Variants in SLC30A2 observed in about 807,000 individuals in gnomAD.
The protein encoded by SLC30A2 is solute carrier family 30 member 2, also known as proton-coupled zinc antiporter SLC30A2.
A neutral mutation model predicts 39.6 loss-of-function variants in SLC30A2; 19 were observed. That is an observed-to-expected ratio of 0.48 (90% CI 0.34 to 0.70). The LOEUF is 0.70. SLC30A2 is among the 30% of genes least tolerant of loss of function. The pLI is 0.01. For missense variants in SLC30A2, 387 were observed against 479.4 expected, an observed-to-expected ratio of 0.81 and a Z score of 1.80; for synonymous variants, 195 against 194.8, an observed-to-expected ratio of 1.00 and a Z score of -0.01.
Position 26,045,951 on chromosome 1 carries a change from G to A in SLC30A2, c.-55C>T, listed in dbSNP as rs1290475769. 1 of 1,599,878 alleles carries A rather than the reference G, an allele frequency of 6.3e-7. No individual in the cohort carries two copies. The highest frequency in any genetic ancestry group is 1.7e-5 in the Admixed American group (1 of 59,772). On this transcript the variant is annotated 5_prime_UTR_variant, in exon 1 of 8. Transcript: ENST00000374276. ...GCAGCCGCCCCGCCGAGTGCGCCCT[G>A]AAAGTTGCGCGCGGGACTCCGGGTG...
intron 1 of SLC30A2, 168 bp from the exon 2 acceptor site, chr1:26,045,385 G>A: frequency 1.6e-6 from 1 of 633,770 alleles, no homozygotes; most frequent in Non-Finnish European, 2.7e-6. Context: ...GGGGATGATA[G>A]GGGAATGGGA....
intron 1 of SLC30A2, 27 bp downstream of exon 1, chr1:26,045,820 C>T (rs1293757001): frequency 1.2e-6 from 2 of 1,613,562 alleles, no homozygotes; most frequent in South Asian, 2.2e-5. Flanking sequence ...GCCAAAATTC[C>T]CGCCCGTCCC....
intron 6 of SLC30A2, among the ~76,000 whole-genome samples, chr1:26,041,037 C>A (rs11247850): frequency 0.62 from 94,367 of 151,552 alleles, 31,494 homozygotes; most frequent in East Asian, 0.87. Flanking sequence ...GTCAAGGCTG[C>A]GGTGAGCCTT....
chr1:26,043,319 T>C (rs998443059), intron 4 of SLC30A2, 79 bp downstream of exon 4: 3 of 1,463,156 alleles, frequency 2.1e-6, no homozygotes, highest in Non-Finnish European at 2.8e-6. Flanking sequence ...GCACAGTCTC[T>C]TTCCGCAAAG....
intron 3 of SLC30A2, among the ~76,000 whole-genome samples, chr1:26,043,818 T>C (rs1309291263): frequency 1.3e-5 from 2 of 152,150 alleles, no homozygotes; most frequent in Non-Finnish European, 2.9e-5. Flanking sequence ...CTTATTAAAG[T>C]ATGTGCCTTT....
At chr1:26,045,367 A>T (rs2050449611) in intron 1 of SLC30A2, 150 bp from the exon 2 acceptor site, 3 of 653,434 alleles carry the variant, frequency 4.6e-6, no homozygotes, top group Non-Finnish European at 7.8e-6. Flanking sequence ...AGAAGCCTGT[A>T]TTCAGACGGG....
rs774477332 is a variant in SLC30A2 at position 26,042,639 on chromosome 1, G to T, written c.642C>A (p.Asn214Lys). ...GGATGAAGGCAGCTCGGACGCTGGGGTTCTCCTCCTGCTGGTTGGTGGTGC... is the reference window on the plus strand; with the variant it reads ...GGATGAAGGCAGCTCGGACGCTGGGTTTCTCCTCCTGCTGGTTGGTGGTGC... ...SHGTTNQQEE[N>K]PSVRAAFIHV... The change falls in exon 5 of 8, where the codon AAC (asparagine) becomes AAA (lysine). Residue 214 changes from asparagine (N) to lysine (K), a missense_variant. By Grantham distance (94) the Asn-to-Lys change is moderately conservative. Transcript: ENST00000374276. 1.5e-5 allele frequency: 24 copies of T among 1,614,048 alleles called. No homozygotes were observed. Among genetic ancestry groups the T allele is most frequent in the Non-Finnish European group, 2.0e-5 (24 of 1,180,002 alleles).
In SLC30A2 at chr1:26,043,501, C is replaced by A. The variant is rs571054223; in HGVS notation, c.469G>T (p.Val157Leu). ...SVLSIWVVTG[V>L]LVYLAVERLI... ...CGCTCCACAGCCAGGTACACCAGTACCCCCGTCACGACCCAGATGGACAGT... is the reference window on the plus strand; with the variant it reads ...CGCTCCACAGCCAGGTACACCAGTAACCCCGTCACGACCCAGATGGACAGT... The change falls in exon 4 of 8, where the codon GTA becomes TTA. Residue 157 changes from valine to leucine, a missense_variant. Coordinates refer to ENST00000374276, the MANE Select transcript of SLC30A2 (RefSeq NM_001004434.3). The A allele has an allele frequency of 1.2e-6, 2 of 1,614,082 alleles. No homozygotes were observed. Among genetic ancestry groups the A allele is most frequent in the African/African-American group, 1.3e-5 (1 of 75,026 alleles).
intron 1 of SLC30A2, chr1:26,045,451 G>A (rs987476089): frequency 4.7e-5 from 28 of 599,504 alleles, no homozygotes; most frequent in Non-Finnish European, 8.0e-5. Flanking sequence ...CTGGGAACCG[G>A]CCAAGGGGCG....
intron 4 of SLC30A2, 33 bp downstream of exon 4, chr1:26,043,365 A>G (rs1450671556): frequency 6.2e-7 from 1 of 1,601,334 alleles, no homozygotes; most frequent in South Asian, 1.1e-5. Context: ...CGGGAGGAGG[A>G]GGGGAGACGA....
At chr1:26,043,669 C>T (rs1010459212) in intron 3 of SLC30A2, 118 bp from the exon 4 acceptor site, 50 of 1,058,224 alleles carry the variant, frequency 4.7e-5, no homozygotes, top group Admixed American at 1.1e-4. Flanking sequence ...GCCTGGGTCC[C>T]ACTGGGCTCT....
intron 6 of SLC30A2, 61 bp downstream of exon 6, chr1:26,041,639 A>G: frequency 3.1e-6 from 3 of 973,522 alleles, no homozygotes; most frequent in Middle Eastern, 2.1e-4. Context: ...CACATACCCT[A>G]TTTGAGCTGA....
At position 26,039,245 on chromosome 1, in the gene SLC30A2, A is replaced by T; in HGVS notation, c.1034T>A (p.Phe345Tyr). The T allele has an allele frequency of 4.3e-6, 7 of 1,614,060 alleles. No homozygotes were observed. Among genetic ancestry groups the T allele is most frequent in the Non-Finnish European group, 3.4e-6 (4 of 1,179,950 alleles). The change falls in exon 8 of 8, where the codon TTC becomes TAC. Residue 345 changes from phenylalanine to tyrosine, a missense_variant. By Grantham distance (22) the Phe-to-Tyr change is conservative. Transcript: ENST00000374276. This position sits in a 1 kb window ranked among gnomAD's most constrained non-coding sequence, Gnocchi z 4.3. ...KTASSRLQGK[F>Y]HFHTVTIQIE... The stretch of plus-strand genomic sequence containing the variant: ...CTGGATGGTCACGGTGTGGAAGTGG[A>T]ACTTCCCTTGGAGGCGGCTGCTGGC...
chr1:26,044,475 C>T (rs1253316412), intron 2 of SLC30A2, 31 bp from the exon 3 acceptor site: 21 of 1,605,130 alleles, frequency 1.3e-5, no homozygotes, highest in Non-Finnish European at 1.6e-5. Context: ...ATCAGCTCCC[C>T]CAGAGAGCTG....
rs1557562069 is a variant in SLC30A2, at chr1:26,041,760, T to A, written c.778A>T (p.Ile260Phe). The change falls in exon 6 of 8, where the codon ATC becomes TTC. Residue 260 changes from isoleucine to phenylalanine, a missense_variant. Physicochemically the swap from Ile to Phe is conservative, Grantham distance 21. Transcript: ENST00000374276. ...GTCAAGGTTGTCCCCAGGACCAGGA[T>A]GGAGAAGACGAAGGTGCAGATGGGG... ...VDPICTFVFS[I>F]LVLGTTLTIL... The A allele has an allele frequency of 1.2e-6, 2 of 1,613,958 alleles. No homozygotes were observed. Among genetic ancestry groups the A allele is most frequent in the Middle Eastern group, 3.3e-4 (2 of 6,058 alleles).
intron 6 of SLC30A2, among the ~76,000 whole-genome samples, chr1:26,040,211 A>T (rs930477237): frequency 6.6e-6 from 1 of 152,182 alleles, no homozygotes; most frequent in Non-Finnish European, 1.5e-5. Flanking sequence ...CTTGGTGCCT[A>T]AAACAGCACC....
rs757794876 is a variant in SLC30A2, at chr1:26,045,942, G to C, written c.-46C>G. 2.5e-6 allele frequency: 4 copies of C among 1,602,998 alleles called. No homozygotes were observed. Among genetic ancestry groups the C allele is most frequent in the South Asian group, 1.1e-5 (1 of 90,904 alleles). ...GGCAGCCGCGCAGCCGCCCCGCCGA[G>C]TGCGCCCTGAAAGTTGCGCGCGGGA... On this transcript the variant is annotated 5_prime_UTR_variant, in exon 1 of 8. Transcript: ENST00000374276.
chr1:26,045,299 C>A lies in SLC30A2; in HGVS notation c.51-82G>T, dbSNP rs532178061. On this transcript the variant is annotated intron_variant, in intron 1 of 7. Coordinates refer to ENST00000374276, the MANE Select transcript of SLC30A2 (RefSeq NM_001004434.3). ...ACTCTAGTCCCATTTCTCTGTGAGG[C>A]CTTGTGTCCACTGGGAAAAATAGCT... 1.7e-5 allele frequency: 19 copies of A among 1,106,516 alleles called. No individual in the cohort carries two copies. In the Admixed American group the frequency reaches 2.8e-4, roughly 16 times the overall value. 68.5% of individuals were successfully genotyped at this position (1,106,516 alleles called of 1,614,324 possible). A position where few individuals can be genotyped will look rare whatever the true frequency, so the allele number is the denominator to read the frequency against.
chr1:26,043,441 TC>T lies in SLC30A2; in HGVS notation c.528del (p.Thr177ProfsTer3). ...GCGCAGCCCGACGTGATCAGCATGG[TC>T]CCCCCGTCAATTTCATAGTCCCCAG... is the stretch of plus-strand genomic sequence containing the variant. ...LISGDYEIDG[G>X]TMLITSGCAV... On this transcript the variant is annotated frameshift_variant, in exon 4 of 8. Coordinates refer to ENST00000374276, the MANE Select transcript of SLC30A2 (RefSeq NM_001004434.3). LOFTEE classifies it high-confidence loss of function. 1 of 1,613,844 alleles carries T rather than the reference TC, an allele frequency of 6.2e-7. No individual in the cohort carries two copies. Among genetic ancestry groups the T allele is most frequent in the Non-Finnish European group, 8.5e-7 (1 of 1,179,950 alleles).
Sources: gnomAD v4.1 joint callset for allele counts (sites outside exome capture counted in the v4.1 genomes callset) on GRCh38, gnomAD v4.1.1 for gene constraint, Gnocchi (gnomAD v3.1) non-coding constraint, MANE v1.5 for transcripts, NCBI Gene and HGNC (gene_info 2026-07-23, HGNC 2026-07-21) for gene names.